The following TRPC5 variants were observed in gnomAD, a reference collection of about 807,000 sequenced individuals.
The protein encoded by TRPC5 is short transient receptor potential channel 5.
Under a neutral mutation model 56.5 loss-of-function variants are expected in TRPC5, and 9 were observed. That is an observed-to-expected ratio of 0.16 (90% CI 0.10 to 0.28). The LOEUF is 0.28. Ranked by LOEUF, TRPC5 falls within the 10% of genes least tolerant of loss-of-function variation. TRPC5 has a pLI of 1.00. For missense variants in TRPC5, 469 were observed against 748.9 expected (o/e 0.63, Z 4.36); for synonymous variants, 282 against 278.5 (o/e 1.01, Z -0.13).
Position 111,947,669 on chromosome X carries a change from ACTGT to A in TRPC5, c.378+4370_378+4373del, listed in dbSNP as rs753263774. Among the ~76,000 whole-genome samples, 10 of 112,209 alleles carry A rather than the reference ACTGT, an allele frequency of 8.9e-5. No individual in the cohort carries two copies. In the South Asian group the frequency reaches 3.7e-3, roughly 42 times the overall value. Reference sequence around the variant, plus strand: ...ATGGTAAAATAGGGATGATAATAATACTGTCTATCTAATAGAGTTGCTAAGAGGA... The same window carrying A: ...ATGGTAAAATAGGGATGATAATAATACTATCTAATAGAGTTGCTAAGAGGA... On this transcript the variant is annotated intron_variant, in intron 2 of 10. Transcript: ENST00000262839.
chrX:111,883,239 A>G (rs1229557147), intron 3 of TRPC5, among the ~76,000 whole-genome samples: 2 of 112,702 alleles, frequency 1.8e-5, no homozygotes, highest in Non-Finnish European at 1.9e-5. Flanking sequence ...TTATAACCCA[A>G]TTCAGCCCTA....
chrX:112,011,910 G>A lies in TRPC5; in HGVS notation c.-21-59469C>T, dbSNP rs140314884. 5.7e-3 allele frequency among the ~76,000 whole-genome samples: 630 copies of A among 111,468 alleles called. 9 individuals carry two copies. Among genetic ancestry groups the A allele is most frequent in the African/African-American group, 0.018 (559 of 30,646 alleles). ...TATGTTTTTTCCTATACATATATAC[G>A]TATGACAAAGCTTATAAATTAGGGA... On this transcript the variant is annotated intron_variant, in intron 1 of 10. Transcript: ENST00000262839.
chrX:111,810,785 ATTGT>A (rs1921680293), intron 7 of TRPC5, among the ~76,000 whole-genome samples: 1 of 111,814 alleles, frequency 8.9e-6, no homozygotes, highest in Admixed American at 9.6e-5. Flanking sequence ...ATCTCTAATA[ATTGT>A]TTATCAAAAT....
At chrX:111,889,187 G>A (rs1924682799) in intron 3 of TRPC5, among the ~76,000 whole-genome samples, 1 of 111,609 alleles carries the variant, frequency 9.0e-6, no homozygotes, top group African/African-American at 3.3e-5. Context: ...GAGGACTTGG[G>A]GAGTGATTGG....
intron 1 of TRPC5, among the ~76,000 whole-genome samples, chrX:112,035,084 T>A (rs1305325077): frequency 9.2e-4 from 88 of 95,335 alleles, no homozygotes; most frequent in African/African-American, 3.9e-3. Flanking sequence ...TTCCTTTTTT[T>A]TTTTTAAAAA....
chrX:111,881,104 CTA>C (rs1185634708), intron 3 of TRPC5, among the ~76,000 whole-genome samples: 1 of 110,628 alleles, frequency 9.0e-6, no homozygotes, highest in Admixed American at 9.6e-5. Flanking sequence ...CTTAGGAATG[CTA>C]TGTTTTTTTG....
chrX:111,924,688 T>G (rs1003568754), intron 2 of TRPC5, among the ~76,000 whole-genome samples: 2 of 112,457 alleles, frequency 1.8e-5, no homozygotes, highest in African/African-American at 6.5e-5. Flanking sequence ...GAAGAGATTT[T>G]GTCACATTCA....
At chrX:111,995,304 AG>A (rs1242422067) in intron 1 of TRPC5, among the ~76,000 whole-genome samples, 3 of 111,964 alleles carry the variant, frequency 2.7e-5, no homozygotes, top group Admixed American at 1.9e-4. Context: ...CTTGCATCCT[AG>A]GGATGAAGCC....
intron 2 of TRPC5, among the ~76,000 whole-genome samples, chrX:111,946,235 T>C (rs933408805): frequency 5.4e-5 from 6 of 111,981 alleles, no homozygotes; most frequent in African/African-American, 2.0e-4. Context: ...AAAGTAGGTC[T>C]TATATTGGGA....
At chrX:111,860,098 C>T (rs190778032) in intron 3 of TRPC5, among the ~76,000 whole-genome samples, 1 of 112,109 alleles carries the variant, frequency 8.9e-6, no homozygotes, top group African/African-American at 3.2e-5. Context: ...TTAGTAGAGA[C>T]GGGGTTTCAC....
At chrX:111,981,048 TGA>T (rs1027555437) in intron 1 of TRPC5, among the ~76,000 whole-genome samples, 14 of 108,965 alleles carry the variant, frequency 1.3e-4, no homozygotes, top group African/African-American at 4.3e-4. Context: ...TATGTATATA[TGA>T]GAGAGATTTA....
chrX:111,831,679 A>C (rs1167547833), intron 7 of TRPC5, among the ~76,000 whole-genome samples: 1 of 111,933 alleles, frequency 8.9e-6, no homozygotes, highest in Non-Finnish European at 1.9e-5. Context: ...ACTTATTTTC[A>C]GCACTAAAGC....
At chrX:111,967,080 C>T (rs1244027088) in intron 1 of TRPC5, among the ~76,000 whole-genome samples, 2 of 111,246 alleles carry the variant, frequency 1.8e-5, no homozygotes, top group East Asian at 5.6e-4. Context: ...CTAGAAAACC[C>T]CATCATCTCA....
intron 1 of TRPC5, among the ~76,000 whole-genome samples, chrX:112,048,873 C>G (rs753017750): frequency 1.8e-5 from 2 of 112,003 alleles, no homozygotes. Context: ...TTTGTCCCTC[C>G]CTCCCTGGAA....
Position 111,904,339 on chromosome X carries a change from T to G in TRPC5, c.900+7952A>C, listed in dbSNP as rs192189335. Among the ~76,000 whole-genome samples the G allele has an allele frequency of 1.2e-4, 14 of 112,232 alleles. No homozygotes were observed. In the East Asian group the frequency reaches 3.9e-3, roughly 31 times the overall value. On this transcript the variant is annotated intron_variant, in intron 3 of 10. Transcript: ENST00000262839. ...TATCTGAAAAATGTGCATGCGTATG[T>G]TCATTGCAGCACTATTCACAATAGC... is the stretch of plus-strand genomic sequence containing the variant.
chrX:111,990,926 A>G (rs1449018336), intron 1 of TRPC5, among the ~76,000 whole-genome samples: 1 of 112,514 alleles, frequency 8.9e-6, no homozygotes, highest in East Asian at 2.8e-4. Context: ...CTGCTAGTAG[A>G]AACTGCTCTA....
chrX:112,063,953 G>A (rs1001083598), intron 1 of TRPC5, among the ~76,000 whole-genome samples: 2 of 111,187 alleles, frequency 1.8e-5, no homozygotes, highest in African/African-American at 6.6e-5. Flanking sequence ...CACCACGTCC[G>A]GCCAAGTGCT....
At chrX:111,959,322 T>C (rs1237291961) in intron 1 of TRPC5, among the ~76,000 whole-genome samples, 1 of 112,112 alleles carries the variant, frequency 8.9e-6, no homozygotes, top group Admixed American at 9.5e-5. Context: ...TTATACTATT[T>C]AAGCTATGTT....
chrX:111,887,201 G>C (rs1201240232), intron 3 of TRPC5, among the ~76,000 whole-genome samples: 1 of 112,617 alleles, frequency 8.9e-6, no homozygotes, highest in Non-Finnish European at 1.9e-5. Flanking sequence ...GAACTGTTTG[G>C]TTTAGTGGGT....
Sources: gnomAD v4.1 joint callset for allele counts (sites outside exome capture counted in the v4.1 genomes callset) on GRCh38, gnomAD v4.1.1 for gene constraint, MANE v1.5 for transcripts, NCBI Gene and HGNC (gene_info 2026-07-23, HGNC 2026-07-21) for gene names.